Variants in PDE1C observed in about 807,000 individuals in gnomAD.
PDE1C encodes phosphodiesterase 1C, also known as dual specificity calcium/calmodulin-dependent 3',5'-cyclic nucleotide phosphodiesterase 1C.
Under a neutral mutation model 93.1 loss-of-function variants are expected in PDE1C, and 62 were observed. The observed-to-expected ratio is 0.67, with a 90% CI of 0.54 to 0.82. PDE1C has a LOEUF of 0.82. Among genes scored for constraint, PDE1C ranks in the 40% least tolerant of loss-of-function variants. The pLI is 0.00. For missense variants in PDE1C, 742 were observed against 884.6 expected, an observed-to-expected ratio of 0.84 and a Z score of 2.04; for synonymous variants, 325 against 310.1, an observed-to-expected ratio of 1.05 and a Z score of -0.50.
Position 32,129,389 on chromosome 7 carries a change from G to A in PDE1C, c.308+40396C>T, listed in dbSNP as rs76469122. On this transcript the variant is annotated intron_variant, in intron 3 of 18. Coordinates refer to the PDE1C transcript ENST00000396193. ...TTGCAATGATTATATCTGGGTATTG[G>A]AATTACATTTTTTAAATTTTATTTT... Among the ~76,000 whole-genome samples, 989 of 124,454 alleles carry A rather than the reference G, an allele frequency of 7.9e-3. 159 individuals carry two copies. Among genetic ancestry groups the A allele is most frequent in the African/African-American group, 0.035 (928 of 26,250 alleles). The allele number at this position is 124,454 out of a possible 152,430, so 81.6% of individuals were successfully genotyped here. A position where few individuals can be genotyped will look rare whatever the true frequency, so the allele number is the denominator to read the frequency against.
At chr7:32,189,368 A>G (rs1036294872) in intron 2 of PDE1C, among the ~76,000 whole-genome samples, 1 of 152,200 alleles carries the variant, frequency 6.6e-6, no homozygotes, top group African/African-American at 2.4e-5. Flanking sequence ...AGAAGACAGC[A>G]TTTTTTAAAA....
intron 3 of PDE1C, among the ~76,000 whole-genome samples, chr7:32,115,685 A>C (rs1376504995): frequency 6.6e-6 from 1 of 152,218 alleles, no homozygotes; most frequent in Non-Finnish European, 1.5e-5. Context: ...CAATCTGCCA[A>C]ATAGTTGGTC....
intron 1 of PDE1C, among the ~76,000 whole-genome samples, chr7:32,400,373 A>T (rs1784918615): frequency 6.6e-6 from 1 of 152,198 alleles, no homozygotes; most frequent in African/African-American, 2.4e-5. Context: ...GAATTTCCTC[A>T]TCCATTTTCC....
At chr7:32,036,674 T>C (rs563860450) in intron 2 of PDE1C, among the ~76,000 whole-genome samples, 1 of 152,324 alleles carries the variant, frequency 6.6e-6, no homozygotes, top group African/African-American at 2.4e-5. Context: ...CAAGCAACAT[T>C]ATGTCAATGA....
At chr7:32,151,159 T>C (rs541959077) in intron 3 of PDE1C, among the ~76,000 whole-genome samples, 48 of 152,314 alleles carry the variant, frequency 3.2e-4, no homozygotes, top group Non-Finnish European at 4.4e-5. Context: ...GTAAACACAA[T>C]AGTGTTTCTT....
chr7:31,662,637 A>G, the PDE1C span, among the ~76,000 whole-genome samples: 2 of 152,188 alleles, frequency 1.3e-5, no homozygotes, highest in Non-Finnish European at 2.9e-5. Context: ...CTGTGCATGT[A>G]TGTGTGCTGG....
intron 3 of PDE1C, among the ~76,000 whole-genome samples, chr7:32,081,709 T>A (rs1192117656): frequency 1.3e-5 from 2 of 152,234 alleles, no homozygotes; most frequent in African/African-American, 4.8e-5. Context: ...AGAGGAAATT[T>A]TAATGCATGA....
chr7:31,831,898 G>A (rs1790461204), intron 11 of PDE1C, among the ~76,000 whole-genome samples: 1 of 152,092 alleles, frequency 6.6e-6, no homozygotes, highest in South Asian at 2.1e-4. Context: ...AACAACAGAT[G>A]GGGAATACTC....
chr7:31,966,722 C>G (rs1225655490), intron 2 of PDE1C, among the ~76,000 whole-genome samples: 2 of 152,216 alleles, frequency 1.3e-5, no homozygotes, highest in African/African-American at 4.8e-5. Context: ...AAGCACTCCT[C>G]AGCAAATGTG....
the PDE1C span, among the ~76,000 whole-genome samples, chr7:31,728,251 T>C: frequency 6.6e-6 from 1 of 152,162 alleles, no homozygotes; most frequent in East Asian, 1.9e-4. Context: ...CTGTAGGTAC[T>C]AATCCTAGAA....
intron 3 of PDE1C, among the ~76,000 whole-genome samples, chr7:32,135,328 A>G (rs756247663): frequency 6.6e-5 from 10 of 152,170 alleles, no homozygotes; most frequent in Non-Finnish European, 1.0e-4. Flanking sequence ...CAAAATGAAA[A>G]AGCAACCTAC....
At chr7:32,217,991 G>T (rs1480447730) in intron 1 of PDE1C, among the ~76,000 whole-genome samples, 1 of 152,106 alleles carries the variant, frequency 6.6e-6, no homozygotes, top group African/African-American at 2.4e-5. Flanking sequence ...TAGAAGATGG[G>T]ACTACCTTAT....
intron 1 of PDE1C, among the ~76,000 whole-genome samples, chr7:32,408,729 C>T (rs1785108072): frequency 6.6e-6 from 1 of 152,062 alleles, no homozygotes; most frequent in Non-Finnish European, 1.5e-5. Flanking sequence ...GCGAAGGTTG[C>T]AGTGGGCCAA....
chr7:31,642,221 G>T, the PDE1C span: 123 of 1,559,374 alleles, frequency 7.9e-5, no homozygotes, highest in Non-Finnish European at 1.0e-4. Context: ...GACAGCAGCG[G>T]GTTCCTGGAG....
intron 17 of PDE1C, among the ~76,000 whole-genome samples, chr7:31,764,145 C>G (rs1275193753): frequency 6.6e-6 from 1 of 152,008 alleles, no homozygotes; most frequent in African/African-American, 2.4e-5. Context: ...TTCATTCACT[C>G]ACTTTGGTTT....
At chr7:31,933,963 T>C (rs1032603880) in intron 2 of PDE1C, among the ~76,000 whole-genome samples, 1 of 152,206 alleles carries the variant, frequency 6.6e-6, no homozygotes, top group African/African-American at 2.4e-5. Context: ...AATGGCCTAA[T>C]ACACTTAAGA....
At chr7:31,674,475 CT>C in the PDE1C span, among the ~76,000 whole-genome samples, 4 of 152,080 alleles carry the variant, frequency 2.6e-5, no homozygotes, top group Non-Finnish European at 4.4e-5. Flanking sequence ...AGCTAAAACA[CT>C]TCTGAAGAAG....
In PDE1C at chr7:32,374,943, C is replaced by T. The variant is rs139080032; in HGVS notation, c.310+52879G>A. Among the ~76,000 whole-genome samples the T allele has an allele frequency of 3.7e-3, 568 of 152,308 alleles. 2 individuals are homozygous for T. Among genetic ancestry groups the T allele is most frequent in the Middle Eastern group, 6.8e-3 (2 of 294 alleles). On this transcript the variant is annotated intron_variant, in intron 1 of 1. Transcript: ENST00000672256. Reference sequence around the variant, plus strand: ...GTCACACAACAACTCTGATGGTGGACAAGCACCACCGAGTTCCCAGGACGC... The same window carrying T: ...GTCACACAACAACTCTGATGGTGGATAAGCACCACCGAGTTCCCAGGACGC...
chr7:32,386,203 T>A (rs1784624859), intron 1 of PDE1C, among the ~76,000 whole-genome samples: 1 of 140,684 alleles, frequency 7.1e-6, no homozygotes. Context: ...TTTTTTATTA[T>A]TGCCAAAGAA....
Sources: allele counts gnomAD v4.1 joint callset (sites outside exome capture counted in the v4.1 genomes callset), GRCh38; gene constraint gnomAD v4.1.1; transcripts MANE v1.5; gene names NCBI Gene and HGNC (gene_info 2026-07-23, HGNC 2026-07-21).